CADPS: variants seen among roughly 807,000 people sequenced by gnomAD.
CADPS encodes calcium-dependent secretion activator 1.
A neutral mutation model predicts 167.3 loss-of-function variants in CADPS; 57 were observed. The ratio of observed to expected loss-of-function variants is 0.34; its 90% CI spans 0.28 to 0.42. CADPS has a LOEUF of 0.42. CADPS is among the 20% of genes least tolerant of loss of function. CADPS has a pLI of 1.00. For synonymous variants in CADPS, 676 were observed against 635.3 expected (o/e 1.06, Z -0.96); for missense variants, 1,414 against 1,738.1 (o/e 0.81, Z 3.32).
chr3:62,476,371 G>T (rs1242958269), intron 23 of CADPS, among the ~76,000 whole-genome samples: 3 of 152,130 alleles, frequency 2.0e-5, no homozygotes, highest in Non-Finnish European at 4.4e-5. Flanking sequence ...AGGTCCGGGG[G>T]TATTTCCACC....
chr3:62,775,575 T>C (rs1014632001), intron 1 of CADPS, among the ~76,000 whole-genome samples: 7 of 152,212 alleles, frequency 4.6e-5, no homozygotes, highest in African/African-American at 1.7e-4. Flanking sequence ...GCAAAAAATA[T>C]TGTCAGTTGT....
At chr3:62,841,301 G>C (rs1448817130) in intron 1 of CADPS, among the ~76,000 whole-genome samples, 1 of 152,200 alleles carries the variant, frequency 6.6e-6, no homozygotes, top group Non-Finnish European at 1.5e-5. Context: ...ATTCCTCACA[G>C]TGATATGTGC....
chr3:62,778,552 C>G (rs1379359327), intron 1 of CADPS, among the ~76,000 whole-genome samples: 2 of 152,150 alleles, frequency 1.3e-5, no homozygotes, highest in Non-Finnish European at 2.9e-5. Flanking sequence ...ATCCCTGACT[C>G]TTGGTATTTA....
At chr3:62,577,189 C>T (rs2082457433) in intron 8 of CADPS, among the ~76,000 whole-genome samples, 2 of 152,102 alleles carry the variant, frequency 1.3e-5, no homozygotes, top group African/African-American at 4.8e-5. Flanking sequence ...CATGGCAATG[C>T]TTGTAACTTT....
chr3:62,817,572 G>A (rs2094684827), intron 1 of CADPS, among the ~76,000 whole-genome samples: 1 of 152,178 alleles, frequency 6.6e-6, no homozygotes, highest in South Asian at 2.1e-4. Flanking sequence ...CATGAGCTAT[G>A]AGTCAAAACA....
intron 11 of CADPS, among the ~76,000 whole-genome samples, chr3:62,549,599 T>C (rs2077015602): frequency 6.6e-6 from 1 of 152,138 alleles, no homozygotes; most frequent in African/African-American, 2.4e-5. Context: ...ATCTACTATA[T>C]TTGAAGGACT....
At chr3:62,417,832 A>AAAAC (rs980922700) in intron 28 of CADPS, among the ~76,000 whole-genome samples, 3 of 135,558 alleles carry the variant, frequency 2.2e-5, no homozygotes, top group Non-Finnish European at 3.3e-5. Context: ...AACTGTCTCT[A>AAAAC]AAACAAACAA....
At position 62,753,578 on chromosome 3, in the gene CADPS, G is replaced by T; in HGVS notation, c.751C>A (p.Pro251Thr). 3 of 1,614,142 alleles carry T rather than the reference G, an allele frequency of 1.9e-6. No individual in the cohort carries two copies. Among genetic ancestry groups the T allele is most frequent in the Non-Finnish European group, 8.5e-7 (1 of 1,180,034 alleles). Residue 251 changes from proline (P) to threonine (T), a missense_variant, in exon 3 of 30, where the codon CCG becomes ACG. Pro to Thr is a conservative substitution (Grantham distance 38). Transcript: ENST00000383710. The surrounding 1 kb of genome is among the most constrained non-coding windows in gnomAD (Gnocchi z 4.6). ...FDAIYRGEED[P>T]RKQQARMTAS... ...GTCATCCGGGCCTGCTGCTTCCGCG[G>T]GTCCTCTTCTCCACGGTAGATGGCA... is the stretch of plus-strand genomic sequence containing the variant.
intron 11 of CADPS, 40 bp downstream of exon 11, chr3:62,549,863 C>A: frequency 6.7e-7 from 1 of 1,500,018 alleles, no homozygotes; most frequent in Admixed American, 1.7e-5. Context: ...GTTTACTTTA[C>A]TCTACAGAGC....
intron 23 of CADPS, among the ~76,000 whole-genome samples, chr3:62,474,664 T>A (rs1054924410): frequency 6.6e-6 from 1 of 152,210 alleles, no homozygotes; most frequent in East Asian, 1.9e-4. Context: ...TTCTCTCACA[T>A]TGGCAACTGC....
intron 1 of CADPS, among the ~76,000 whole-genome samples, chr3:62,784,942 A>T (rs927604273): frequency 6.6e-6 from 1 of 152,202 alleles, no homozygotes; most frequent in Admixed American, 6.5e-5. Flanking sequence ...TTAAAGAGTT[A>T]CTGTTAGGGT....
At chr3:62,690,566 A>G (rs2078917464) in intron 3 of CADPS, among the ~76,000 whole-genome samples, 1 of 151,728 alleles carries the variant, frequency 6.6e-6, no homozygotes, top group Non-Finnish European at 1.5e-5. Context: ...GAGAACCCGG[A>G]CTGTCCCTGT....
intron 28 of CADPS, among the ~76,000 whole-genome samples, chr3:62,437,544 C>T (rs889292526): frequency 6.6e-6 from 1 of 152,060 alleles, no homozygotes; most frequent in Admixed American, 6.6e-5. Flanking sequence ...GGGCAGGGGG[C>T]GCCATGGTTT....
chr3:62,463,500 A>G (rs568463098), intron 26 of CADPS, among the ~76,000 whole-genome samples: 24 of 152,170 alleles, frequency 1.6e-4, no homozygotes, highest in Non-Finnish European at 2.1e-4. Flanking sequence ...TTTCCCACTC[A>G]TGTGCCCTGA....
chr3:62,583,169 C>CTCTCTCTCTTTCTCTCTCTCTCTCTT lies in CADPS; in HGVS notation c.1577+2015_1577+2016insAAGAGAGAGAGAGAGAAAGAGAGAGA, dbSNP rs1327981910. 5.3e-5 allele frequency among the ~76,000 whole-genome samples: 8 copies of CTCTCTCTCTTTCTCTCTCTCTCTCTT among 151,074 alleles called. No homozygotes were observed. The East Asian group carries it at 1.2e-3, about 22-fold the overall frequency. On this transcript the variant is annotated intron_variant, in intron 8 of 29. Coordinates refer to ENST00000383710, the MANE Select transcript of CADPS (RefSeq NM_003716.4). ...CTACCCTCTTTGTCTCTCTCTCTCT[C>CTCTCTCTCTTTCTCTCTCTCTCTCTT]TCTCTCTCTCTCTCTCTCTTTCTAC...
chr3:62,603,605 A>T (rs1256758827), intron 6 of CADPS, among the ~76,000 whole-genome samples: 1 of 151,848 alleles, frequency 6.6e-6, no homozygotes, highest in Non-Finnish European at 1.5e-5. Flanking sequence ...TAATGGGCTG[A>T]TTTTTTTTCT....
At chr3:62,845,963 T>C (rs568357929) in intron 1 of CADPS, among the ~76,000 whole-genome samples, 1 of 152,254 alleles carries the variant, frequency 6.6e-6, no homozygotes, top group South Asian at 2.1e-4. Context: ...AGGTGATTGG[T>C]TTAGGGGGGT....
At chr3:62,669,458 T>C (rs752965145) in intron 3 of CADPS, among the ~76,000 whole-genome samples, 1 of 152,206 alleles carries the variant, frequency 6.6e-6, no homozygotes, top group Non-Finnish European at 1.5e-5. Flanking sequence ...AAGACTGCAC[T>C]GGGGTTTGAA....
At chr3:62,747,152 T>C (rs1368955285) in intron 3 of CADPS, among the ~76,000 whole-genome samples, 2 of 152,266 alleles carry the variant, frequency 1.3e-5, no homozygotes, top group African/African-American at 4.8e-5. Context: ...GTTGAATGAA[T>C]GATGAAAGTA....
Sources: allele counts gnomAD v4.1 joint callset (sites outside exome capture counted in the v4.1 genomes callset), GRCh38; gene constraint gnomAD v4.1.1; non-coding constraint Gnocchi (gnomAD v3.1); transcripts MANE v1.5; gene names NCBI Gene and HGNC (gene_info 2026-07-23, HGNC 2026-07-21).